PRKCH: variants seen among roughly 807,000 people sequenced by gnomAD.
PRKCH encodes the protein protein kinase C eta, also known as protein kinase C eta type.
PRKCH carries 28 observed loss-of-function variants against 82.5 expected under a neutral mutation model. The observed-to-expected ratio is 0.34, with a 90% CI of 0.25 to 0.47. The LOEUF is 0.47. PRKCH is among the 20% of genes least tolerant of loss of function. The pLI, the probability that PRKCH is intolerant of heterozygous loss-of-function variation, is 1.00. For missense variants in PRKCH, 705 were observed against 881.8 expected (o/e 0.80, Z 2.54); for synonymous variants, 322 against 327.4 (o/e 0.98, Z 0.18).
At chr14:61,406,299 C>CAAGGGTCAGGTTACAGTTTGTGCGTT (rs1881946428) in intron 2 of PRKCH, among the ~76,000 whole-genome samples, 2 of 138,180 alleles carry the variant, frequency 1.4e-5, no homozygotes, top group Non-Finnish European at 3.1e-5. Context: ...AATGCTGCGA[C>CAAGGGTCAGGTTACAGTTTGTGCGTT]AAGGGTCAGG....
intron 1 of PRKCH, among the ~76,000 whole-genome samples, chr14:61,324,221 A>T (rs772916955): frequency 3.3e-5 from 5 of 152,252 alleles, no homozygotes; most frequent in Non-Finnish European, 7.3e-5. Flanking sequence ...GATCCACGTT[A>T]TCTGACTAGG....
chr14:61,508,542 G>A (rs1201144338), intron 10 of PRKCH, among the ~76,000 whole-genome samples: 6 of 152,092 alleles, frequency 3.9e-5, no homozygotes, highest in African/African-American at 9.7e-5. Flanking sequence ...ATTTGAAAGC[G>A]CTTCCTTTTG....
At chr14:61,299,430 G>T (rs139569877) in intron 1 of PRKCH, among the ~76,000 whole-genome samples, 2 of 152,100 alleles carry the variant, frequency 1.3e-5, no homozygotes, top group African/African-American at 4.8e-5. Flanking sequence ...GAGCCCACTC[G>T]CCCAACTCCT....
chr14:61,268,762 A>G (rs749424612), intron 1 of PRKCH, among the ~76,000 whole-genome samples: 1 of 152,198 alleles, frequency 6.6e-6, no homozygotes, highest in Non-Finnish European at 1.5e-5. Flanking sequence ...TTTTGCTTTG[A>G]TTGAATGACT....
intron 9 of PRKCH, among the ~76,000 whole-genome samples, chr14:61,485,267 T>C (rs1886165697): frequency 1.3e-5 from 2 of 152,178 alleles, no homozygotes; most frequent in African/African-American, 4.8e-5. Context: ...TGATTTCATG[T>C]AGCAATTCAA....
At chr14:61,378,252 C>G (rs905714690) in intron 1 of PRKCH, among the ~76,000 whole-genome samples, 16 of 145,934 alleles carry the variant, frequency 1.1e-4, no homozygotes, top group African/African-American at 3.9e-4. Flanking sequence ...CAGCATCTCT[C>G]TCTGTCACTT....
intron 1 of PRKCH, among the ~76,000 whole-genome samples, chr14:61,293,260 A>G (rs897816384): frequency 6.6e-6 from 1 of 152,222 alleles, no homozygotes; most frequent in Non-Finnish European, 1.5e-5. Context: ...GTGCAAAAGA[A>G]GCACCTGCCC....
chr14:61,204,852 A>G (rs1418738837), intron 1 of PRKCH, among the ~76,000 whole-genome samples: 3 of 152,152 alleles, frequency 2.0e-5, no homozygotes, highest in East Asian at 3.8e-4. Context: ...ACTAAAAACA[A>G]GTTTAAATGA....
chr14:61,484,291 C>CTTTT lies in PRKCH; in HGVS notation c.1279-1192_1279-1189dup, dbSNP rs71449556. Among the ~76,000 whole-genome samples, 576 of 86,270 alleles carry CTTTT rather than the reference C, an allele frequency of 6.7e-3. 3 individuals carry two copies. The highest frequency in any genetic ancestry group is 8.8e-3 in the Non-Finnish European group (412 of 47,062). The allele number at this position is 86,270 out of a possible 152,430, so 56.6% of individuals were successfully genotyped here. ...AGAATTTGTCAATCTGCTTGTGTCACTTTTTTTTTTTTTTTTTTTTTTGAG... is the reference window on the plus strand; with the variant it reads ...AGAATTTGTCAATCTGCTTGTGTCACTTTTTTTTTTTTTTTTTTTTTTTTTTGAG... On this transcript the variant is annotated intron_variant, in intron 9 of 13. Coordinates refer to ENST00000332981, the MANE Select transcript of PRKCH (RefSeq NM_006255.5).
At chr14:61,319,198 C>T (rs1192425804), upstream of PRKCH, among the ~76,000 whole-genome samples, 1 of 152,200 alleles carries the variant, frequency 6.6e-6, no homozygotes, top group Non-Finnish European at 1.5e-5. Context: ...GCTCCAGCCA[C>T]GTAGGGTGCT....
chr14:61,471,177 C>T (rs1331180476), intron 9 of PRKCH, among the ~76,000 whole-genome samples: 1 of 152,238 alleles, frequency 6.6e-6, no homozygotes, highest in Non-Finnish European at 1.5e-5. Flanking sequence ...GGGCCAGTGG[C>T]CCATGGACCT....
At chr14:61,347,119 G>C (rs2046004408) in intron 1 of PRKCH, among the ~76,000 whole-genome samples, 1 of 152,174 alleles carries the variant, frequency 6.6e-6, no homozygotes, top group Admixed American at 6.5e-5. Flanking sequence ...AAGAAATCCA[G>C]AATAGATATT....
At chr14:61,376,465 T>A (rs1486774894) in intron 1 of PRKCH, among the ~76,000 whole-genome samples, 1 of 152,208 alleles carries the variant, frequency 6.6e-6, no homozygotes, top group Non-Finnish European at 1.5e-5. Flanking sequence ...AAATCAGTAT[T>A]TTTAAAAACC....
chr14:61,402,322 C>T (rs1042441530), intron 2 of PRKCH, among the ~76,000 whole-genome samples: 6 of 152,144 alleles, frequency 3.9e-5, no homozygotes, highest in Non-Finnish European at 5.9e-5. Context: ...TATATTGCAA[C>T]CAACTTTTGA....
At chr14:61,394,168 T>C (rs2046731515) in intron 2 of PRKCH, among the ~76,000 whole-genome samples, 1 of 152,218 alleles carries the variant, frequency 6.6e-6, no homozygotes, top group Non-Finnish European at 1.5e-5. Flanking sequence ...TATGGGTGAA[T>C]TGTTTTAATG....
In PRKCH at chr14:61,440,251, A is replaced by G. The variant is rs534853811; in HGVS notation, c.428-2860A>G. Among the ~76,000 whole-genome samples, 3 of 152,340 alleles carry G rather than the reference A, an allele frequency of 2.0e-5. No individual in the cohort carries two copies. In the East Asian group the frequency reaches 5.8e-4, roughly 29 times the overall value. ...TATCATGAGTGGAAGAGGGCAGTGT[A>G]GTGTAGTAACTTTTGTTCTTCCGCA... is the stretch of plus-strand genomic sequence containing the variant. On this transcript the variant is annotated intron_variant, in intron 2 of 13. Transcript: ENST00000332981.
chr14:61,317,975 A>C (rs2045577475), upstream of PRKCH, among the ~76,000 whole-genome samples: 1 of 152,164 alleles, frequency 6.6e-6, no homozygotes, highest in Admixed American at 6.5e-5. Context: ...TTCTGCTTAA[A>C]TGTATCAAGA....
chr14:61,354,547 G>A (rs1439387983), intron 1 of PRKCH, among the ~76,000 whole-genome samples: 1 of 152,030 alleles, frequency 6.6e-6, no homozygotes, highest in Non-Finnish European at 1.5e-5. Flanking sequence ...AATGCGTGAG[G>A]AACTTAAAGT....
At chr14:61,482,906 T>A (rs1886047621) in intron 9 of PRKCH, among the ~76,000 whole-genome samples, 1 of 152,236 alleles carries the variant, frequency 6.6e-6, no homozygotes, top group Admixed American at 6.5e-5. Flanking sequence ...TTTCGATGCC[T>A]ACTGCCTTAA....
Sources: allele counts gnomAD v4.1 joint callset (sites outside exome capture counted in the v4.1 genomes callset), GRCh38; gene constraint gnomAD v4.1.1; transcripts MANE v1.5; gene names NCBI Gene and HGNC (gene_info 2026-07-23, HGNC 2026-07-21).